CNTNAP2: variants seen among roughly 807,000 people sequenced by gnomAD.
The protein encoded by CNTNAP2 is contactin associated protein 2, also known as contactin-associated protein-like 2.
Under a neutral mutation model 155.2 loss-of-function variants are expected in CNTNAP2, and 98 were observed. That is an observed-to-expected ratio of 0.63 (90% CI 0.54 to 0.75). The LOEUF (loss-of-function observed/expected upper bound fraction) is 0.75. Among genes scored for constraint, CNTNAP2 ranks in the 30% least tolerant of loss-of-function variants. The probability of loss-of-function intolerance (pLI) is 0.00; values close to 1 mark genes in which losing one functional copy is unlikely to be tolerated. For missense variants in CNTNAP2, 1,727 were observed against 1,688.1 expected (o/e 1.02, Z -0.40); for synonymous variants, 651 against 631.2 (o/e 1.03, Z -0.47).
chr7:146,263,343 C>T (rs1020580793), intron 1 of CNTNAP2, among the ~76,000 whole-genome samples: 8 of 151,194 alleles, frequency 5.3e-5, no homozygotes, highest in African/African-American at 1.5e-4. Context: ...AATGATTCTT[C>T]GCTCTCTTCT....
intron 1 of CNTNAP2, among the ~76,000 whole-genome samples, chr7:146,395,087 G>A (rs373734197): frequency 9.2e-5 from 14 of 152,198 alleles, no homozygotes; most frequent in South Asian, 8.3e-4. Context: ...TCTTATGGCC[G>A]AGTAATATTT....
At chr7:147,026,241 C>T (rs940054235) in intron 3 of CNTNAP2, among the ~76,000 whole-genome samples, 2 of 152,062 alleles carry the variant, frequency 1.3e-5, no homozygotes, top group Admixed American at 6.5e-5. Flanking sequence ...TCCTGAGATA[C>T]GTATGAAAGC....
At chr7:147,766,664 T>C (rs1797388398) in intron 13 of CNTNAP2, among the ~76,000 whole-genome samples, 1 of 152,140 alleles carries the variant, frequency 6.6e-6, no homozygotes, top group Non-Finnish European at 1.5e-5. Context: ...AAGCAATAAA[T>C]TCTATTTTTG....
intron 1 of CNTNAP2, among the ~76,000 whole-genome samples, chr7:146,754,554 G>GTC (rs143802449): frequency 0.14 from 19,848 of 144,840 alleles, 1,767 homozygotes; most frequent in African/African-American, 0.27. Context: ...CTCTCTCTCT[G>GTC]TCTCTCTCTC....
intron 1 of CNTNAP2, among the ~76,000 whole-genome samples, chr7:146,277,226 G>A (rs114895824): frequency 0.03 from 4,541 of 152,150 alleles, 225 homozygotes; most frequent in African/African-American, 0.1. Flanking sequence ...TGGTCCTGCC[G>A]ACACCTTGAT....
intron 3 of CNTNAP2, among the ~76,000 whole-genome samples, chr7:146,972,366 C>T (rs866121907): frequency 1.4e-4 from 22 of 151,980 alleles, no homozygotes; most frequent in South Asian, 6.2e-4. Context: ...GCTTATTTCT[C>T]TGAAATATTT....
chr7:148,248,391 GT>G (rs1461779777), intron 20 of CNTNAP2, among the ~76,000 whole-genome samples: 2 of 152,024 alleles, frequency 1.3e-5, no homozygotes, highest in African/African-American at 4.8e-5. Flanking sequence ...TAGAGATGAG[GT>G]TTCACTATGT....
chr7:146,794,389 A>G (rs1327511690), intron 2 of CNTNAP2, among the ~76,000 whole-genome samples: 1 of 152,232 alleles, frequency 6.6e-6, no homozygotes, highest in East Asian at 1.9e-4. Flanking sequence ...ATAGGAAGAC[A>G]TTATTTAATA....
intron 8 of CNTNAP2, among the ~76,000 whole-genome samples, chr7:147,184,604 A>G (rs979116382): frequency 6.6e-6 from 1 of 152,136 alleles, no homozygotes; most frequent in Non-Finnish European, 1.5e-5. Flanking sequence ...AATTCCAATC[A>G]TCTCCTGGCT....
chr7:146,454,911 C>T (rs1269285332), intron 1 of CNTNAP2, among the ~76,000 whole-genome samples: 2 of 152,122 alleles, frequency 1.3e-5, no homozygotes, highest in Non-Finnish European at 2.9e-5. Context: ...CTCAAAGTTC[C>T]TTACTTTCTC....
intron 13 of CNTNAP2, among the ~76,000 whole-genome samples, chr7:147,873,522 A>T (rs1210688485): frequency 6.6e-6 from 1 of 152,182 alleles, no homozygotes; most frequent in East Asian, 1.9e-4. Flanking sequence ...CTATCACAGG[A>T]ACAGCACAGG....
chr7:148,394,793 T>C (rs2116687331), intron 22 of CNTNAP2, among the ~76,000 whole-genome samples: 1 of 152,324 alleles, frequency 6.6e-6, no homozygotes, highest in African/African-American at 2.4e-5. Flanking sequence ...AGCGGGTCCC[T>C]GGAACACACT....
chr7:146,539,397 A>G (rs1170382028), intron 1 of CNTNAP2, among the ~76,000 whole-genome samples: 1 of 152,060 alleles, frequency 6.6e-6, no homozygotes, highest in Non-Finnish European at 1.5e-5. Flanking sequence ...CAGGACAAAA[A>G]ACCAACCCAT....
At chr7:146,996,683 A>G (rs532114444) in intron 3 of CNTNAP2, among the ~76,000 whole-genome samples, 1 of 151,874 alleles carries the variant, frequency 6.6e-6, no homozygotes, top group Admixed American at 6.6e-5. Flanking sequence ...TTTTTTTCCA[A>G]TTTGAATTCC....
intron 8 of CNTNAP2, among the ~76,000 whole-genome samples, chr7:147,204,731 A>T (rs1466370214): frequency 1.3e-5 from 2 of 152,148 alleles, no homozygotes; most frequent in African/African-American, 4.8e-5. Context: ...TAATGAATAA[A>T]TATTAGGGGA....
chr7:148,334,653 C>A (rs1585284108), intron 21 of CNTNAP2, among the ~76,000 whole-genome samples: 2 of 152,302 alleles, frequency 1.3e-5, no homozygotes, highest in South Asian at 4.1e-4. Context: ...GCAGAAAGCA[C>A]CCTGCCCCAG....
At chr7:147,331,893 T>C (rs1795577230) in intron 9 of CNTNAP2, among the ~76,000 whole-genome samples, 1 of 152,174 alleles carries the variant, frequency 6.6e-6, no homozygotes, top group Admixed American at 6.5e-5. Flanking sequence ...TCTCACCAGC[T>C]GCTTCAGTAT....
intron 3 of CNTNAP2, among the ~76,000 whole-genome samples, chr7:146,971,011 T>C (rs892692501): frequency 6.6e-6 from 1 of 151,830 alleles, no homozygotes; most frequent in African/African-American, 2.4e-5. Context: ...AATTGAACAA[T>C]GAGAACACAT....
intron 14 of CNTNAP2, among the ~76,000 whole-genome samples, chr7:147,949,071 G>C (rs557472073): frequency 6.6e-6 from 1 of 151,518 alleles, no homozygotes; most frequent in Non-Finnish European, 1.5e-5. Flanking sequence ...TGTGGTGGTG[G>C]ATGCCTGTAA....
Sources: allele counts gnomAD v4.1 joint callset (sites outside exome capture counted in the v4.1 genomes callset), GRCh38; gene constraint gnomAD v4.1.1; transcripts MANE v1.5; gene names NCBI Gene and HGNC (gene_info 2026-07-23, HGNC 2026-07-21).